Variants in NR3C1 observed in about 807,000 individuals in gnomAD.
NR3C1 encodes glucocorticoid receptor.
Under a neutral mutation model 74.0 loss-of-function variants are expected in NR3C1, and 14 were observed. The observed-to-expected ratio is 0.19, with a 90% CI of 0.12 to 0.30. The LOEUF is 0.30. NR3C1 is among the 10% of genes least tolerant of loss of function. The probability of loss-of-function intolerance (pLI) is 1.00; values close to 1 mark genes in which losing one functional copy is unlikely to be tolerated. For synonymous variants in NR3C1, 308 were observed against 332.5 expected, an observed-to-expected ratio of 0.93 and a Z score of 0.80; for missense variants, 695 against 909.8, an observed-to-expected ratio of 0.76 and a Z score of 3.04.
intron 2 of NR3C1, among the ~76,000 whole-genome samples, chr5:143,368,924 G>C (rs1458106370): frequency 6.6e-6 from 1 of 152,060 alleles, no homozygotes; most frequent in East Asian, 1.9e-4. Flanking sequence ...GGTGACACAG[G>C]GCAGCAATCA....
intron 2 of NR3C1, among the ~76,000 whole-genome samples, chr5:143,384,086 G>C (rs975390503): frequency 6.6e-6 from 1 of 152,312 alleles, no homozygotes; most frequent in African/African-American, 2.4e-5. Flanking sequence ...GAAGTTGAAG[G>C]AGAAGCAAGC....
intron 2 of NR3C1, chr5:143,332,816 C>T: frequency 6.7e-7 from 1 of 1,482,640 alleles, no homozygotes; most frequent in Non-Finnish European, 9.3e-7. Context: ...TGCAGAGAAC[C>T]ACTGCAAGAC....
At chr5:143,339,159 C>T (rs1827737444) in intron 2 of NR3C1, among the ~76,000 whole-genome samples, 1 of 152,146 alleles carries the variant, frequency 6.6e-6, no homozygotes, top group Admixed American at 6.5e-5. Context: ...ATGCATTTCT[C>T]AGAACCTATC....
intron 1 of NR3C1, among the ~76,000 whole-genome samples, chr5:143,422,814 G>A (rs1198115999): frequency 6.6e-6 from 1 of 152,174 alleles, no homozygotes; most frequent in African/African-American, 2.4e-5. Context: ...GAAAGTAAGA[G>A]TGCTTATCTC....
At chr5:143,298,356 T>A (rs1817762787) in intron 6 of NR3C1, among the ~76,000 whole-genome samples, 1 of 152,232 alleles carries the variant, frequency 6.6e-6, no homozygotes, top group African/African-American at 2.4e-5. Flanking sequence ...TTTTTCTTTC[T>A]GGAATAGGGT....
intron 1 of NR3C1, among the ~76,000 whole-genome samples, chr5:143,418,442 T>C (rs912112175): frequency 2.0e-5 from 3 of 152,206 alleles, no homozygotes; most frequent in African/African-American, 7.2e-5. Flanking sequence ...ATCTGGACTT[T>C]CCCTTCCCTT....
At chr5:143,434,247 A>G (rs1433282225) in intron 1 of NR3C1, among the ~76,000 whole-genome samples, 2 of 152,216 alleles carry the variant, frequency 1.3e-5, no homozygotes, top group Admixed American at 6.5e-5. Flanking sequence ...TGGAAGCTCC[A>G]TGTCAGTTTT....
At chr5:143,290,554 G>A (rs1477792742) in intron 7 of NR3C1, among the ~76,000 whole-genome samples, 1 of 152,058 alleles carries the variant, frequency 6.6e-6, no homozygotes, top group Non-Finnish European at 1.5e-5. Context: ...TTAGCTTGGA[G>A]CATTCAGTCC....
chr5:143,400,669 C>T lies in NR3C1; in HGVS notation c.171G>A (p.Lys57=), dbSNP rs533242028. Residue 57 remains lysine, a synonymous_variant, in exon 2 of 9, where the codon AAG becomes AAA. Coordinates refer to ENST00000394464, the MANE Select transcript of NR3C1 (RefSeq NM_000176.3). ...SLAVASQSDS[K]QRRLLVDFPK... ...GAAAATCAACCAAAAGTCTTCGCTG[C>T]TTGGAGTCTGATTGAGAAGCGACAG... 6.2e-7 allele frequency: 1 copy of T among 1,614,030 alleles called. No homozygotes were observed. Among genetic ancestry groups the T allele is most frequent in the Admixed American group, 1.7e-5 (1 of 60,028 alleles).
chr5:143,310,613 T>C (rs1002108946), intron 3 of NR3C1, among the ~76,000 whole-genome samples: 5 of 152,196 alleles, frequency 3.3e-5, no homozygotes, highest in African/African-American at 9.7e-5. Flanking sequence ...TAACTACTTT[T>C]TTGATAAACT....
At chr5:143,319,908 A>G (rs1822982644) in intron 2 of NR3C1, among the ~76,000 whole-genome samples, 1 of 152,226 alleles carries the variant, frequency 6.6e-6, no homozygotes, top group Admixed American at 6.5e-5. Flanking sequence ...AGACAAGTCC[A>G]AAAAGAGATT....
intron 2 of NR3C1, among the ~76,000 whole-genome samples, chr5:143,386,117 G>C (rs1837171629): frequency 6.6e-6 from 1 of 152,204 alleles, no homozygotes; most frequent in Admixed American, 6.5e-5. Flanking sequence ...GAGAGACAGT[G>C]AGTGAAGAGG....
At chr5:143,285,046 GGAGGTACACA>G (rs1049163035) in intron 7 of NR3C1, among the ~76,000 whole-genome samples, 20 of 132,212 alleles carry the variant, frequency 1.5e-4, no homozygotes, top group South Asian at 2.6e-4. Context: ...TGGAAACGAA[GGAGGTACACA>G]AAGAAAGGCC....
chr5:143,416,479 A>G (rs907504060), intron 1 of NR3C1, among the ~76,000 whole-genome samples: 2 of 151,808 alleles, frequency 1.3e-5, no homozygotes, highest in Non-Finnish European at 2.9e-5. Context: ...AAGCAAAGAG[A>G]TCTGGAAATA....
chr5:143,281,932 T>A lies in NR3C1; in HGVS notation c.2291A>T (p.Tyr764Phe). 1 of 1,613,592 alleles carries A rather than the reference T, an allele frequency of 6.2e-7. No homozygotes were observed. Among genetic ancestry groups the A allele is most frequent in the Middle Eastern group, 1.7e-4 (1 of 6,060 alleles). ...AAGTTTTTTGATATTTCCATTTGAATATTTTGGTATCTGATTGGTGATGAT... is the reference window on the plus strand; with the variant it reads ...AAGTTTTTTGATATTTCCATTTGAAAATTTTGGTATCTGATTGGTGATGAT... Reference protein sequence around the residue: ...AEIITNQIPKYSNGNIKKLLF... With the variant: ...AEIITNQIPKFSNGNIKKLLF... Residue 764 changes from tyrosine (Y) to phenylalanine (F), a missense_variant, in exon 9 of 9, where the codon TAT (tyrosine) becomes TTT (phenylalanine). Tyr to Phe is a conservative substitution (Grantham distance 22, BLOSUM62 3). Transcript: ENST00000394464.
rs9654496 is a variant in NR3C1, at chr5:143,310,934, G to A, written c.1352-721C>T. On this transcript the variant is annotated intron_variant, in intron 3 of 8. Coordinates refer to ENST00000394464, the MANE Select transcript of NR3C1 (RefSeq NM_000176.3). ...GCCTCCCGATGTGCTGGGATTACAG[G>A]CATGAGCCACCACGCCCAGCCAATA... 4.2e-3 allele frequency among the ~76,000 whole-genome samples: 639 copies of A among 152,344 alleles called. 2 individuals carry two copies. Among genetic ancestry groups the A allele is most frequent in the African/African-American group, 0.015 (613 of 41,580 alleles).
intron 2 of NR3C1, among the ~76,000 whole-genome samples, chr5:143,368,826 C>T (rs960184261): frequency 6.6e-6 from 1 of 152,146 alleles, no homozygotes; most frequent in African/African-American, 2.4e-5. Context: ...GGATTTCTTA[C>T]ATTTCTGGAG....
At chr5:143,327,334 C>CCCA (rs1264730502) in intron 2 of NR3C1, among the ~76,000 whole-genome samples, 1 of 152,174 alleles carries the variant, frequency 6.6e-6, no homozygotes, top group African/African-American at 2.4e-5. Context: ...CCAACTGCCT[C>CCCA]CCACCAGGTC....
chr5:143,403,127 G>C (rs1600640999), intron 1 of NR3C1, 84 bp downstream of exon 1: 12 of 722,704 alleles, frequency 1.7e-5, no homozygotes, highest in African/African-American at 2.3e-5. Flanking sequence ...GTAGGCTCCC[G>C]CGGCGGCCCC....
Sources: gnomAD v4.1 joint callset for allele counts (sites outside exome capture counted in the v4.1 genomes callset) on GRCh38, gnomAD v4.1.1 for gene constraint, MANE v1.5 for transcripts, NCBI Gene and HGNC (gene_info 2026-07-23, HGNC 2026-07-21) for gene names.